Variants in CCDC127 observed in about 807,000 individuals in gnomAD.
CCDC127 encodes coiled-coil domain-containing protein 127.
CCDC127 carries 2 observed loss-of-function variants against 4.1 expected under a neutral mutation model. That is an observed-to-expected ratio of 0.49 (90% CI 0.20 to 1.53). CCDC127 has a LOEUF of 1.53. Among genes scored for constraint, CCDC127 ranks in the 40% most tolerant of loss-of-function variants. The pLI is 0.23. For missense variants in CCDC127, 271 were observed against 322.9 expected (o/e 0.84, Z 1.23); for synonymous variants, 98 against 120.4 (o/e 0.81, Z 1.22).
chr5:216,283 AC>A (rs1734380553), intron 2 of CCDC127: 1 of 206,810 alleles, frequency 4.8e-6, no homozygotes, highest in Non-Finnish European at 9.8e-6. Flanking sequence ...CGATCTGCCC[AC>A]CTGGGCCTCG....
chr5:213,787 C>G lies in CCDC127; in HGVS notation c.121+2942G>C, dbSNP rs552621955. ...GCAGCAACTCGGGAAACATTTCAGC[C>G]CTTCTTAAAAAACTAAACGTGCAAC... On this transcript the variant is annotated intron_variant, in intron 2 of 2. Transcript: ENST00000296824. The G allele has an allele frequency of 2.3e-5, 3 of 131,036 alleles. No homozygotes were observed. In the East Asian group the frequency reaches 5.8e-4, roughly 25 times the overall value. The allele number at this position is 131,036 out of a possible 1,614,324, so 8.1% of individuals were successfully genotyped here. A position where few individuals can be genotyped will look rare whatever the true frequency, so the allele number is the denominator to read the frequency against.
rs112941243 is a variant in CCDC127 at position 209,713 on chromosome 5, T to C, written c.122-3755A>G. Among the ~76,000 whole-genome samples, 1,288 of 146,914 alleles carry C rather than the reference T, an allele frequency of 8.8e-3. 11 individuals are homozygous for C. Among genetic ancestry groups the C allele is most frequent in the Non-Finnish European group, 0.013 (873 of 65,970 alleles). On this transcript the variant is annotated intron_variant, in intron 2 of 2. Coordinates refer to ENST00000296824, the MANE Select transcript of CCDC127 (RefSeq NM_145265.3). ...GACTCCCCCACAAACACAGAAACAATCCTTTGCAGCCTGGTCACAAACATC... is the reference window on the plus strand; with the variant it reads ...GACTCCCCCACAAACACAGAAACAACCCTTTGCAGCCTGGTCACAAACATC...
intron 1 of CCDC127, among the ~76,000 whole-genome samples, chr5:217,601 G>A (rs1447509874): frequency 2.0e-5 from 3 of 152,022 alleles, no homozygotes; most frequent in Non-Finnish European, 4.4e-5. Context: ...AGGGTCTTCT[G>A]ATCAGAAGGA....
chr5:205,228 C>G lies in CCDC127; in HGVS notation c.*69G>C, dbSNP rs1734145429. 6.9e-7 allele frequency: 1 copy of G among 1,439,024 alleles called. No individual in the cohort carries two copies. Among genetic ancestry groups the G allele is most frequent in the Admixed American group, 2.0e-5 (1 of 49,966 alleles). The allele number at this position is 1,439,024 out of a possible 1,614,324, so 89.1% of individuals were successfully genotyped here. A position where few individuals can be genotyped will look rare whatever the true frequency, so the allele number is the denominator to read the frequency against. On this transcript the variant is annotated 3_prime_UTR_variant, in exon 3 of 3. Coordinates refer to ENST00000296824, the MANE Select transcript of CCDC127 (RefSeq NM_145265.3). ...ACGGGCAGCACGGGAACGGAAGACGCCGGAGACCCAGAAGGCGCATGACTG... is the reference window on the plus strand; with the variant it reads ...ACGGGCAGCACGGGAACGGAAGACGGCGGAGACCCAGAAGGCGCATGACTG...
rs1403383325 is a variant in CCDC127 at position 205,708 on chromosome 5, C to T, written c.372G>A (p.Arg124=). ...GTCTTTTTTCTTGCATCACCTGGGC[C>T]CGTTCCTGTTCCAGAAGCTTCTTTT... The part of the protein sequence containing the change: ...VEEKKLLEQE[R]AQVMQEKRQV... Residue 124 remains arginine (R), a synonymous_variant, in exon 3 of 3, where the codon CGG becomes CGA. Coordinates refer to ENST00000296824, the MANE Select transcript of CCDC127 (RefSeq NM_145265.3). 6.2e-7 allele frequency: 1 copy of T among 1,614,032 alleles called. No individual in the cohort carries two copies. The highest frequency in any genetic ancestry group is 8.5e-7 in the Non-Finnish European group (1 of 1,180,040).
At position 202,888 on chromosome 5, in the gene CCDC127, AG is replaced by A. The variant is rs1462914133; in HGVS notation, c.*2408del. ...CTTTAGGCAAGGGTCTTGATGCATC[AG>A]GAAGTACAAACAACAACAGGAAGAG... is the stretch of plus-strand genomic sequence containing the variant. On this transcript the variant is annotated 3_prime_UTR_variant, in exon 3 of 3. Coordinates refer to ENST00000296824, the MANE Select transcript of CCDC127 (RefSeq NM_145265.3). The A allele has an allele frequency of 2.7e-5, 4 of 150,140 alleles. No individual in the cohort carries two copies. In the East Asian group the frequency reaches 5.8e-4, roughly 22 times the overall value. The allele number at this position is 150,140 out of a possible 1,614,324, so 9.3% of individuals were successfully genotyped here.
Position 200,475 on chromosome 5 carries a change from CCGTGTGGCCAGAGA to C in CCDC127, c.*4808_*4821del, listed in dbSNP as rs1271851953. On this transcript the variant is annotated 3_prime_UTR_variant, in exon 3 of 3. Coordinates refer to ENST00000296824, the MANE Select transcript of CCDC127 (RefSeq NM_145265.3). ...GAGCTGTGGGAACCGCCCTGTCCCACCGTGTGGCCAGAGAAGCTGGTTTGGGGATTGGCGCGGCT... is the reference window on the plus strand; with the variant it reads ...GAGCTGTGGGAACCGCCCTGTCCCACAGCTGGTTTGGGGATTGGCGCGGCT... The C allele has an allele frequency of 2.0e-5, 3 of 152,290 alleles. No homozygotes were observed. The highest frequency in any genetic ancestry group is 2.0e-4 in the Admixed American group (3 of 15,280). The allele number at this position is 152,290 out of a possible 1,614,324, so 9.4% of individuals were successfully genotyped here. A position where few individuals can be genotyped will look rare whatever the true frequency, so the allele number is the denominator to read the frequency against.
rs996981186 is a variant in CCDC127, at chr5:200,215, C to G, written c.*5082G>C. 1 of 152,276 alleles carries G rather than the reference C, an allele frequency of 6.6e-6. No individual in the cohort carries two copies. Among genetic ancestry groups the G allele is most frequent in the Admixed American group, 6.5e-5 (1 of 15,278 alleles). The allele number at this position is 152,276 out of a possible 1,614,324, so 9.4% of individuals were successfully genotyped here. A position where few individuals can be genotyped will look rare whatever the true frequency, so the allele number is the denominator to read the frequency against. On this transcript the variant is annotated 3_prime_UTR_variant, in exon 3 of 3. Coordinates refer to ENST00000296824, the MANE Select transcript of CCDC127 (RefSeq NM_145265.3). ...GGGTCTGCAGCAGATGAGAGACCTG[C>G]GAAGCTGCCACAGAAGCCCTCCGCC...
At position 200,101 on chromosome 5, in the gene CCDC127, C is replaced by T. The variant is rs1734046529; in HGVS notation, c.*5196G>A. On this transcript the variant is annotated 3_prime_UTR_variant, in exon 3 of 3. Transcript: ENST00000296824. ...AAACATCCAGGCGGCGGCAGCAGCT[C>T]TCAAGGTACACTTGTCCTGTGAGCC... is the stretch of plus-strand genomic sequence containing the variant. 6.6e-6 allele frequency: 1 copy of T among 152,308 alleles called. No individual in the cohort carries two copies. The highest frequency in any genetic ancestry group is 2.4e-5 in the African/African-American group (1 of 41,458). The allele number at this position is 152,308 out of a possible 1,614,324, so 9.4% of individuals were successfully genotyped here. A position where few individuals can be genotyped will look rare whatever the true frequency, so the allele number is the denominator to read the frequency against.
chr5:205,528 C>CA lies in CCDC127; in HGVS notation c.551dup (p.Glu185GlyfsTer18). On this transcript the variant is annotated frameshift_variant, in exon 3 of 3. Transcript: ENST00000296824. LOFTEE classifies it low-confidence loss of function (END_TRUNC). The stretch of plus-strand genomic sequence containing the variant: ...GCACCAGTAAGCTCTTCTCTATCTC[C>CA]AGCCGCTTGCTGCGAGGAAGAAACA... The CA allele has an allele frequency of 5.0e-6, 8 of 1,614,038 alleles. No homozygotes were observed. Among genetic ancestry groups the CA allele is most frequent in the Non-Finnish European group, 6.8e-6 (8 of 1,179,892 alleles).
chr5:205,328 T>G lies in CCDC127; in HGVS notation c.752A>C (p.Lys251Thr). 1 of 1,613,348 alleles carries G rather than the reference T, an allele frequency of 6.2e-7. No individual in the cohort carries two copies. Among genetic ancestry groups the G allele is most frequent in the Non-Finnish European group, 8.5e-7 (1 of 1,179,536 alleles). Residue 251 changes from lysine to threonine, a missense_variant, in exon 3 of 3, where the codon AAG becomes ACG. Around this residue, in one of 2 missense-constraint regions of CCDC127, gnomAD observed 265 missense variants for 270.9 expected, o/e 0.98. Transcript: ENST00000296824. The part of the protein sequence containing the change: ...WELVVELKKF[K>T]RVEEAILEK ...TTCTAGTATGGCTTCCTCTACTCTC[T>G]TAAACTTCTTCAGTTCGACAACGAG...
intron 2 of CCDC127, among the ~76,000 whole-genome samples, chr5:206,347 T>G (rs1156509357): frequency 6.6e-6 from 1 of 152,244 alleles, no homozygotes; most frequent in Admixed American, 6.5e-5. Context: ...GTAAACGGCC[T>G]GAGTTTGAGA....
In CCDC127 at chr5:197,988, G is replaced by A. The variant is rs970054020; in HGVS notation, c.*7309C>T. The A allele has an allele frequency of 6.2e-5, 8 of 128,258 alleles. No individual in the cohort carries two copies. The highest frequency in any genetic ancestry group is 1.3e-4 in the Non-Finnish European group (8 of 60,250). The allele number at this position is 128,258 out of a possible 1,614,324, so 7.9% of individuals were successfully genotyped here. On this transcript the variant is annotated 3_prime_UTR_variant, in exon 3 of 3. Coordinates refer to ENST00000296824, the MANE Select transcript of CCDC127 (RefSeq NM_145265.3). Reference sequence around the variant, plus strand: ...TGTCACCCCACCCCAGCTGCCCCCAGGTCACCCCCACCCAGGTTTGTCTCC... The same window carrying A: ...TGTCACCCCACCCCAGCTGCCCCCAAGTCACCCCCACCCAGGTTTGTCTCC...
rs1048498860 is a variant in CCDC127, at chr5:205,007, C to T, written c.*290G>A. 7.1e-6 allele frequency: 2 copies of T among 280,344 alleles called. No individual in the cohort carries two copies. The highest frequency in any genetic ancestry group is 4.4e-5 in the African/African-American group (2 of 45,964). The allele number at this position is 280,344 out of a possible 1,614,324, so 17.4% of individuals were successfully genotyped here. A position where few individuals can be genotyped will look rare whatever the true frequency, so the allele number is the denominator to read the frequency against. ...TGACTTTTTAAAAAACCATTTTTACCCTGGAGCTAAAATACGAGGTTATAC... is the reference window on the plus strand; with the variant it reads ...TGACTTTTTAAAAAACCATTTTTACTCTGGAGCTAAAATACGAGGTTATAC... On this transcript the variant is annotated 3_prime_UTR_variant, in exon 3 of 3. Transcript: ENST00000296824.
chr5:210,529 C>T (rs1309444103), intron 2 of CCDC127, among the ~76,000 whole-genome samples: 1 of 152,220 alleles, frequency 6.6e-6, no homozygotes, highest in Admixed American at 6.5e-5. Flanking sequence ...GCAATGAGCA[C>T]GTGAAGAGGT....
Position 205,599 on chromosome 5 carries a change from C to A in CCDC127, c.481G>T (p.Glu161Ter). The A allele has an allele frequency of 6.2e-7, 1 of 1,614,238 alleles. No homozygotes were observed. Among genetic ancestry groups the A allele is most frequent in the Non-Finnish European group, 8.5e-7 (1 of 1,180,046 alleles). ...WQRRARLLLK[E>*]FEAVLTERQN... The stretch of plus-strand genomic sequence containing the variant: ...CTTTCTGTGAGAACAGCTTCAAATT[C>A]TTTCAGCAAAAGCCTGGCTCTCCTT... The change falls in exon 3 of 3, where the codon GAA becomes TAA. Residue 161 changes from glutamate (E) to a stop codon, truncating the protein, a stop_gained. Transcript: ENST00000296824. LOFTEE classifies it low-confidence loss of function (END_TRUNC).
intron 2 of CCDC127, chr5:214,670 T>C (rs558036351): frequency 6.6e-6 from 1 of 152,244 alleles, no homozygotes; most frequent in African/African-American, 2.4e-5. Flanking sequence ...AGGGTAAGAA[T>C]TTCTCCAGGG....
At chr5:218,039 G>T in intron 1 of CCDC127, 54 bp downstream of exon 1, 1 of 1,032,906 alleles carries the variant, frequency 9.7e-7, no homozygotes. Flanking sequence ...AACCACCCAC[G>T]GGGCTTTAAA....
At chr5:214,355 T>G (rs1311399816) in intron 2 of CCDC127, 1 of 152,196 alleles carries the variant, frequency 6.6e-6, no homozygotes, top group Non-Finnish European at 1.5e-5. Context: ...GACAACTGCA[T>G]GTGATTTACA....
Sources: gnomAD v4.1 joint callset for allele counts (sites outside exome capture counted in the v4.1 genomes callset) on GRCh38, gnomAD v4.1.1 for gene constraint, gnomAD v4.1.1 regional missense constraint, MANE v1.5 for transcripts, NCBI Gene and HGNC (gene_info 2026-07-23, HGNC 2026-07-21) for gene names.